DBNDD1: variants seen among roughly 807,000 people sequenced by gnomAD.
DBNDD1 encodes the protein dysbindin domain containing 1, also known as dysbindin domain-containing protein 1.
In DBNDD1, 14 loss-of-function variants were observed where a neutral mutation model predicts 17.0. The observed-to-expected ratio is 0.82, with a 90% CI of 0.54 to 1.29. The LOEUF is 1.29. Among genes scored for constraint, DBNDD1 ranks in the 50% most tolerant of loss-of-function variants. The pLI is 0.00. For synonymous variants in DBNDD1, 105 were observed against 102.0 expected (o/e 1.03, Z -0.18); for missense variants, 221 against 216.2 (o/e 1.02, Z -0.14).
intron 1 of DBNDD1, among the ~76,000 whole-genome samples, chr16:90,014,589 C>T (rs2035608830): frequency 6.6e-6 from 1 of 152,190 alleles, no homozygotes; most frequent in Admixed American, 6.5e-5. Flanking sequence ...CGAATGCCAG[C>T]AGTCCTCATT....
intron 1 of DBNDD1, among the ~76,000 whole-genome samples, chr16:90,018,045 T>C (rs1403238257): frequency 6.6e-6 from 1 of 152,206 alleles, no homozygotes; most frequent in Non-Finnish European, 1.5e-5. Context: ...CCCAAATGCC[T>C]TGGGCTCCCA....
chr16:90,019,120 G>T lies in DBNDD1; in HGVS notation c.31+191C>A, dbSNP rs1303815076. Among the ~76,000 whole-genome samples the T allele has an allele frequency of 6.6e-6, 1 of 152,190 alleles. No homozygotes were observed. The highest frequency in any genetic ancestry group is 1.5e-5 in the Non-Finnish European group (1 of 68,006). On this transcript the variant is annotated intron_variant, in intron 1 of 3. Transcript: ENST00000002501. The surrounding 1 kb of genome is among the most constrained non-coding windows in gnomAD (Gnocchi z 6.1). ...GCAGAGAACAAGGGGGCGGAGACTC[G>T]GTCCGTGTGCCCCCAGCCCCGCGCG... is the stretch of plus-strand genomic sequence containing the variant.
chr16:90,016,021 ATCC>A (rs963688984), intron 1 of DBNDD1, among the ~76,000 whole-genome samples: 3 of 152,252 alleles, frequency 2.0e-5, no homozygotes, highest in Non-Finnish European at 4.4e-5. Flanking sequence ...TTTAAAAACA[ATCC>A]TCAATGGAAA....
chr16:90,018,879 C>T (rs1481593452), intron 1 of DBNDD1, among the ~76,000 whole-genome samples: 2 of 152,220 alleles, frequency 1.3e-5, no homozygotes, highest in Non-Finnish European at 2.9e-5. Flanking sequence ...CGGCCCTCGC[C>T]CCCCGGGACT....
intron 3 of DBNDD1, 75 bp downstream of exon 3, chr16:90,008,709 A>G: frequency 6.9e-7 from 1 of 1,453,258 alleles, no homozygotes; most frequent in Non-Finnish European, 9.3e-7. Flanking sequence ...CCCACCACAC[A>G]CACCTCCCAG....
intron 1 of DBNDD1, among the ~76,000 whole-genome samples, chr16:90,017,498 A>G (rs2035660288): frequency 6.6e-6 from 1 of 151,800 alleles, no homozygotes; most frequent in South Asian, 2.1e-4. Context: ...CCGTCTCAAA[A>G]AAAAAAAAAA....
In DBNDD1 at chr16:90,010,575, C is replaced by T. The variant is rs566727636; in HGVS notation, c.32-1145G>A. ...TTTGTATTTTTACTCGTGATCCACC[C>T]GCCTTGGCCTCCCAAAGTGCTGAGA... On this transcript the variant is annotated intron_variant, in intron 1 of 3. Transcript: ENST00000002501. Among the ~76,000 whole-genome samples, 4 of 151,076 alleles carry T rather than the reference C, an allele frequency of 2.6e-5. No homozygotes were observed. The South Asian group carries it at 6.3e-4, about 24-fold the overall frequency.
chr16:90,016,902 G>A (rs1458096407), intron 1 of DBNDD1, among the ~76,000 whole-genome samples: 1 of 152,206 alleles, frequency 6.6e-6, no homozygotes, highest in Non-Finnish European at 1.5e-5. Flanking sequence ...CGCAGAGGCA[G>A]GGGCCACCTG....
chr16:90,018,366 C>T (rs914748055), intron 1 of DBNDD1, among the ~76,000 whole-genome samples: 4 of 152,246 alleles, frequency 2.6e-5, no homozygotes, highest in African/African-American at 9.6e-5. Context: ...CTGCTCCTCC[C>T]GGGGACAGCC....
At chr16:90,016,779 G>GC (rs1283343093) in intron 1 of DBNDD1, among the ~76,000 whole-genome samples, 1 of 152,202 alleles carries the variant, frequency 6.6e-6, no homozygotes, top group East Asian at 1.9e-4. Context: ...TGTGCCCAGG[G>GC]CCCCGTCCAG....
chr16:90,016,500 G>C (rs1265192148), intron 1 of DBNDD1, among the ~76,000 whole-genome samples: 3 of 152,172 alleles, frequency 2.0e-5, no homozygotes, highest in African/African-American at 7.2e-5. Flanking sequence ...AAGGACCCCA[G>C]AGTGTGGGGA....
At position 90,006,891 on chromosome 16, in the gene DBNDD1, TGTGTCCCCGGCCTCTTG is replaced by T. The variant is rs1214145489; in HGVS notation, c.320-416_320-400del. 2.0e-4 allele frequency: 32 copies of T among 163,266 alleles called. 1 individual carries two copies. Among genetic ancestry groups the T allele is most frequent in the African/African-American group, 6.7e-4 (19 of 28,230 alleles). The allele number at this position is 163,266 out of a possible 1,614,324, so 10.1% of individuals were successfully genotyped here. On this transcript the variant is annotated intron_variant, in intron 3 of 3. Transcript: ENST00000002501. Reference sequence around the variant, plus strand: ...AGCCTCTGCCCCATCATGGGCCTTGTGTGTCCCCGGCCTCTTGGAGCCTCTGCCCCATCATGGGCCTT... The same window carrying T: ...AGCCTCTGCCCCATCATGGGCCTTGTGAGCCTCTGCCCCATCATGGGCCTT...
At chr16:90,010,088 C>G in intron 1 of DBNDD1, 2 of 1,599,624 alleles carry the variant, frequency 1.3e-6, no homozygotes. Context: ...CTCTGTCACC[C>G]AGGCTGGAGT....
chr16:90,006,184 G>T lies in DBNDD1; in HGVS notation c.*151C>A. Reference sequence around the variant, plus strand: ...CCCAGCAGACAAGGCCGGTCTCGGGGCTGGCAGAGAGCTGCCCCCAGGGTG... The same window carrying T: ...CCCAGCAGACAAGGCCGGTCTCGGGTCTGGCAGAGAGCTGCCCCCAGGGTG... On this transcript the variant is annotated 3_prime_UTR_variant, in exon 4 of 4. Transcript: ENST00000002501. The T allele has an allele frequency of 8.9e-7, 1 of 1,117,940 alleles. No homozygotes were observed. The highest frequency in any genetic ancestry group is 1.2e-6 in the Non-Finnish European group (1 of 806,890). The allele number at this position is 1,117,940 out of a possible 1,614,324, so 69.3% of individuals were successfully genotyped here.
intron 1 of DBNDD1, among the ~76,000 whole-genome samples, chr16:90,010,534 ATTTTTTT>A (rs778294927): frequency 7.8e-6 from 1 of 128,908 alleles, no homozygotes; most frequent in African/African-American, 2.9e-5. Context: ...CACCCAGCTA[ATTTTTTT>A]TTTTTTTTTT....
chr16:90,009,597 C>G, intron 1 of DBNDD1, 167 bp from the exon 2 acceptor site: 2 of 1,056,450 alleles, frequency 1.9e-6, no homozygotes, highest in Non-Finnish European at 2.7e-6. Flanking sequence ...TGGACCCAGA[C>G]AAGGGGTTGA....
At position 90,010,789 on chromosome 16, in the gene DBNDD1, C is replaced by T. The variant is rs376893617; in HGVS notation, c.32-1359G>A. On this transcript the variant is annotated intron_variant, in intron 1 of 3. Coordinates refer to ENST00000002501, the MANE Select transcript of DBNDD1 (RefSeq NM_001042610.3). ...CTGCTCACCCTCTCATCCAGGGCCA[C>T]GCCGTCCTAGCGGCCACCTCACTTG... Among the ~76,000 whole-genome samples, 25 of 152,322 alleles carry T rather than the reference C, an allele frequency of 1.6e-4. 1 individual carries two copies. In the South Asian group the frequency reaches 2.7e-3, roughly 16 times the overall value.
At chr16:90,017,412 G>A (rs1361132106) in intron 1 of DBNDD1, among the ~76,000 whole-genome samples, 10 of 152,050 alleles carry the variant, frequency 6.6e-5, no homozygotes, top group African/African-American at 2.4e-4. Context: ...GGAGAATGGC[G>A]TGAACCCGGG....
intron 1 of DBNDD1, chr16:90,009,961 A>G: frequency 6.2e-7 from 1 of 1,613,692 alleles, no homozygotes; most frequent in Non-Finnish European, 8.5e-7. Flanking sequence ...ACAAACCAGG[A>G]GGAATAGGCA....
Sources: gnomAD v4.1 joint callset for allele counts (sites outside exome capture counted in the v4.1 genomes callset) on GRCh38, gnomAD v4.1.1 for gene constraint, Gnocchi (gnomAD v3.1) non-coding constraint, MANE v1.5 for transcripts, NCBI Gene and HGNC (gene_info 2026-07-23, HGNC 2026-07-21) for gene names.